Variants in ARHGAP26 observed in about 807,000 individuals in gnomAD.
ARHGAP26 encodes rho GTPase-activating protein 26.
ARHGAP26 carries 38 observed loss-of-function variants against 104.8 expected under a neutral mutation model. That is an observed-to-expected ratio of 0.36 (90% confidence interval 0.28 to 0.48). ARHGAP26 has a LOEUF of 0.48. Among genes scored for constraint, ARHGAP26 ranks in the 20% least tolerant of loss-of-function variants. The pLI is 0.99. For missense variants in ARHGAP26, 704 were observed against 947.9 expected (o/e 0.74, Z 3.38); for synonymous variants, 341 against 340.0 (o/e 1.00, Z -0.03).
intron 1 of ARHGAP26, among the ~76,000 whole-genome samples, chr5:142,810,392 G>A (rs1763827443): frequency 6.6e-6 from 1 of 152,156 alleles, no homozygotes; most frequent in South Asian, 2.1e-4. Flanking sequence ...TCTTCAGGCA[G>A]AGGGCATGAC....
intron 1 of ARHGAP26, among the ~76,000 whole-genome samples, chr5:142,856,982 G>A (rs940561651): frequency 1.3e-5 from 2 of 152,134 alleles, no homozygotes; most frequent in African/African-American, 4.8e-5. Flanking sequence ...TGTCAACAGG[G>A]CCATATTCTT....
chr5:142,876,423 A>G (rs1208333624), intron 3 of ARHGAP26, among the ~76,000 whole-genome samples: 1 of 152,182 alleles, frequency 6.6e-6, no homozygotes, highest in African/African-American at 2.4e-5. Flanking sequence ...CAGATCACAC[A>G]GTTAATAAGT....
At chr5:142,894,195 GGTA>G in intron 5 of ARHGAP26, 40 bp from the exon 6 acceptor site, 1 of 1,547,624 alleles carries the variant, frequency 6.5e-7, no homozygotes. Flanking sequence ...GCTATCCTTG[GGTA>G]GTGACTTGAT....
chr5:143,091,922 T>C (rs953827558), intron 17 of ARHGAP26, among the ~76,000 whole-genome samples: 1 of 152,218 alleles, frequency 6.6e-6, no homozygotes, highest in Non-Finnish European at 1.5e-5. Flanking sequence ...TTAATGTAGG[T>C]AGAAATCCAC....
chr5:143,159,033 C>T (rs1438199331), intron 20 of ARHGAP26, among the ~76,000 whole-genome samples: 1 of 152,148 alleles, frequency 6.6e-6, no homozygotes, highest in African/African-American at 2.4e-5. Flanking sequence ...TAGAGTAAGC[C>T]AGGGCTAGCA....
chr5:142,903,614 G>GCAC lies in ARHGAP26; in HGVS notation c.778_780dup (p.His260dup). On this transcript the variant is annotated inframe_insertion, in exon 8 of 23. Transcript: ENST00000645722. ...AAAAGATGAAGGAGAATCCCCTTGA[G>GCAC]CACAAGACCATCAGTCCCTACACCA... The GCAC allele has an allele frequency of 6.2e-7, 1 of 1,614,034 alleles. No individual in the cohort carries two copies. Among genetic ancestry groups the GCAC allele is most frequent in the Non-Finnish European group, 8.5e-7 (1 of 1,179,954 alleles).
At chr5:142,929,852 G>A (rs959412207) in intron 10 of ARHGAP26, among the ~76,000 whole-genome samples, 5 of 152,184 alleles carry the variant, frequency 3.3e-5, no homozygotes, top group Admixed American at 2.6e-4. Context: ...AGCAGGAAAC[G>A]AACTAGAGAC....
chr5:142,983,156 C>T (rs553742631), intron 11 of ARHGAP26, among the ~76,000 whole-genome samples: 2 of 152,138 alleles, frequency 1.3e-5, no homozygotes, highest in South Asian at 4.1e-4. Flanking sequence ...GATCTCTGAG[C>T]CTTATCTTCC....
intron 11 of ARHGAP26, among the ~76,000 whole-genome samples, chr5:142,957,196 C>T (rs1769403168): frequency 6.6e-6 from 1 of 152,270 alleles, no homozygotes; most frequent in Middle Eastern, 3.4e-3. Flanking sequence ...ATGAGGCTCT[C>T]AATTGCTTTT....
intron 10 of ARHGAP26, among the ~76,000 whole-genome samples, chr5:142,913,575 T>A (rs971717246): frequency 6.6e-6 from 1 of 152,192 alleles, no homozygotes; most frequent in Non-Finnish European, 1.5e-5. Flanking sequence ...ATATTAGTGC[T>A]TTCATGCTCA....
At chr5:143,139,826 A>G (rs933599585) in intron 19 of ARHGAP26, among the ~76,000 whole-genome samples, 1 of 152,216 alleles carries the variant, frequency 6.6e-6, no homozygotes, top group Non-Finnish European at 1.5e-5. Flanking sequence ...CTGTACTGGT[A>G]CATCTAGGTG....
At chr5:143,141,661 G>A (rs781387978) in intron 19 of ARHGAP26, among the ~76,000 whole-genome samples, 14 of 152,246 alleles carry the variant, frequency 9.2e-5, no homozygotes, top group Non-Finnish European at 1.5e-4. Flanking sequence ...AATATAAGCC[G>A]TCTGTACGTG....
At chr5:143,097,360 G>GAAAAAAAAAAAAAAAAA (rs56116431) in intron 17 of ARHGAP26, among the ~76,000 whole-genome samples, 1 of 63,256 alleles carries the variant, frequency 1.6e-5, no homozygotes, top group African/African-American at 5.0e-5. Flanking sequence ...TCAAAAAAAA[G>GAAAAAAAAAAAAAAAAA]AAAAAAAAAA....
chr5:142,815,639 A>T (rs1764963343), intron 1 of ARHGAP26, among the ~76,000 whole-genome samples: 1 of 152,030 alleles, frequency 6.6e-6, no homozygotes, highest in African/African-American at 2.4e-5. Context: ...CTCCAACCAC[A>T]CTGGCTGTCA....
At chr5:143,190,962 T>C (rs1431522855) in intron 20 of ARHGAP26, among the ~76,000 whole-genome samples, 2 of 152,224 alleles carry the variant, frequency 1.3e-5, no homozygotes, top group East Asian at 1.9e-4. Context: ...AATTCCACTT[T>C]TGTGAAATAT....
At chr5:143,194,098 T>A (rs1184631148) in intron 20 of ARHGAP26, 1 of 152,220 alleles carries the variant, frequency 6.6e-6, no homozygotes, top group African/African-American at 2.4e-5. Flanking sequence ...GGAAAAGAAC[T>A]TCTCCAAGTG....
chr5:142,942,157 C>T (rs1296706795), intron 11 of ARHGAP26, among the ~76,000 whole-genome samples: 2 of 152,058 alleles, frequency 1.3e-5, no homozygotes, highest in Admixed American at 1.3e-4. Flanking sequence ...GAGTTGCCTT[C>T]GTTATCTGAG....
intron 18 of ARHGAP26, among the ~76,000 whole-genome samples, chr5:143,130,043 T>C (rs1428676633): frequency 6.6e-6 from 1 of 152,220 alleles, no homozygotes; most frequent in Non-Finnish European, 1.5e-5. Context: ...TGTGATGATA[T>C]GGCAGTGATG....
intron 18 of ARHGAP26, among the ~76,000 whole-genome samples, chr5:143,129,082 T>A (rs1202194712): frequency 6.6e-6 from 1 of 152,212 alleles, no homozygotes; most frequent in Non-Finnish European, 1.5e-5. Flanking sequence ...CTCTGCAATG[T>A]CAAGATGGGC....
Sources: allele counts gnomAD v4.1 joint callset (sites outside exome capture counted in the v4.1 genomes callset), GRCh38; gene constraint gnomAD v4.1.1; transcripts MANE v1.5; gene names NCBI Gene and HGNC (gene_info 2026-07-23, HGNC 2026-07-21).